Variants in TLN2 observed in about 807,000 individuals in gnomAD.
TLN2 encodes talin-2.
In TLN2, 118 loss-of-function variants were observed where a neutral mutation model predicts 294.7. That is an observed-to-expected ratio of 0.40 (90% CI 0.34 to 0.47). TLN2 has a LOEUF of 0.47. TLN2 is among the 20% of genes least tolerant of loss of function. TLN2 has a pLI of 0.84. For missense variants in TLN2, 3,083 were observed against 3,282.2 expected, an observed-to-expected ratio of 0.94 and a Z score of 1.48; for synonymous variants, 1,431 against 1,304.5, an observed-to-expected ratio of 1.10 and a Z score of -2.09.
intron 52 of TLN2, among the ~76,000 whole-genome samples, chr15:62,815,285 A>G (rs2067028175): frequency 6.6e-6 from 1 of 151,574 alleles, no homozygotes; most frequent in South Asian, 2.1e-4. Context: ...AAGACTCTGT[A>G]TGATCATATG....
At chr15:62,686,551 G>A in intron 11 of TLN2, 90 bp from the exon 12 acceptor site, 4 of 1,440,926 alleles carry the variant, frequency 2.8e-6, no homozygotes, top group Non-Finnish European at 3.7e-6. Flanking sequence ...GACAGTGTAT[G>A]CAGGTGAAAG....
chr15:62,807,736 A>G (rs971571316), intron 51 of TLN2, among the ~76,000 whole-genome samples: 51 of 152,120 alleles, frequency 3.4e-4, no homozygotes, highest in African/African-American at 1.2e-3. Context: ...CGACCCTGGG[A>G]TGCGTTATCT....
intron 54 of TLN2, chr15:62,831,486 A>G (rs769916140): frequency 3.3e-5 from 5 of 151,690 alleles, no homozygotes; most frequent in African/African-American, 1.2e-4. Context: ...TATATATTTA[A>G]TATATATAAA....
At chr15:62,731,409 GT>G (rs36001940) in intron 28 of TLN2, among the ~76,000 whole-genome samples, 149,566 of 151,988 alleles carry the variant, frequency 0.98, 73,642 homozygotes, top group East Asian at 1. Flanking sequence ...CCTGAATTAT[GT>G]TTTTTTTCCC....
chr15:62,629,427 T>A (rs979476506), intron 3 of TLN2, among the ~76,000 whole-genome samples: 3 of 152,238 alleles, frequency 2.0e-5, no homozygotes, highest in African/African-American at 7.2e-5. Flanking sequence ...TTCATGCTTT[T>A]CCTAAGAGAA....
chr15:62,405,404 G>C (rs1365360450), intron 1 of TLN2, among the ~76,000 whole-genome samples: 1 of 152,188 alleles, frequency 6.6e-6, no homozygotes, highest in Non-Finnish European at 1.5e-5. Context: ...ACTCCTTTCT[G>C]AGACACAACA....
chr15:62,796,013 T>C, intron 46 of TLN2, 114 bp from the exon 47 acceptor site: 1 of 1,360,964 alleles, frequency 7.3e-7, no homozygotes, highest in Non-Finnish European at 1.0e-6. Flanking sequence ...ATGTGTGTTG[T>C]TAACCTCTAA....
At chr15:62,696,672 C>T (rs2058362963) in intron 14 of TLN2, among the ~76,000 whole-genome samples, 1 of 152,212 alleles carries the variant, frequency 6.6e-6, no homozygotes, top group African/African-American at 2.4e-5. Context: ...CACGCCACTG[C>T]ACTCCAGTCT....
intron 9 of TLN2, among the ~76,000 whole-genome samples, chr15:62,661,887 C>T (rs1050000721): frequency 2.0e-5 from 3 of 152,102 alleles, no homozygotes; most frequent in African/African-American, 7.2e-5. Flanking sequence ...ATTATAAAGA[C>T]AGAAGGACTA....
chr15:62,521,138 A>G (rs1420651181), intron 1 of TLN2, among the ~76,000 whole-genome samples: 1 of 152,150 alleles, frequency 6.6e-6, no homozygotes, highest in East Asian at 1.9e-4. Context: ...TAAACTGCAA[A>G]TCTGAAGCTT....
intron 37 of TLN2, among the ~76,000 whole-genome samples, chr15:62,759,594 C>T (rs1426421946): frequency 6.6e-6 from 1 of 152,152 alleles, no homozygotes; most frequent in South Asian, 2.1e-4. Context: ...TGCCCTTCTT[C>T]CCAATAGACT....
intron 37 of TLN2, among the ~76,000 whole-genome samples, chr15:62,759,874 G>A (rs2062554569): frequency 6.6e-6 from 1 of 152,170 alleles, no homozygotes; most frequent in African/African-American, 2.4e-5. Flanking sequence ...CTGCTGAGTG[G>A]CACCCACCCT....
At chr15:62,773,283 G>C (rs2063473441) in intron 42 of TLN2, among the ~76,000 whole-genome samples, 1 of 142,310 alleles carries the variant, frequency 7.0e-6, no homozygotes, top group Non-Finnish European at 1.5e-5. Flanking sequence ...CAGCCATAGA[G>C]CACACACAGT....
At chr15:62,656,993 A>C (rs1260471542) in intron 8 of TLN2, among the ~76,000 whole-genome samples, 1 of 152,170 alleles carries the variant, frequency 6.6e-6, no homozygotes, top group Admixed American at 6.5e-5. Context: ...GAAGGATGGC[A>C]TGGAAAGAGG....
intron 54 of TLN2, among the ~76,000 whole-genome samples, chr15:62,824,476 A>G (rs1433613424): frequency 6.6e-6 from 1 of 152,230 alleles, no homozygotes; most frequent in Non-Finnish European, 1.5e-5. Context: ...TCAGTTTTCT[A>G]TGACTTCCCT....
intron 9 of TLN2, among the ~76,000 whole-genome samples, chr15:62,667,149 G>A (rs1298133392): frequency 4.6e-5 from 7 of 152,052 alleles, no homozygotes; most frequent in African/African-American, 7.2e-5. Context: ...GTATTTTTTA[G>A]TAGAGACGGG....
chr15:62,620,823 T>C (rs1040349407), intron 3 of TLN2, among the ~76,000 whole-genome samples: 2 of 136,308 alleles, frequency 1.5e-5, no homozygotes, highest in African/African-American at 5.8e-5. Context: ...CTTCTTTTTT[T>C]TTTCTTTCTT....
intron 3 of TLN2, among the ~76,000 whole-genome samples, chr15:62,644,059 A>G (rs1329941482): frequency 1.3e-5 from 2 of 151,950 alleles, no homozygotes; most frequent in Non-Finnish European, 2.9e-5. Context: ...GCCCCCTCCT[A>G]GCATACTTGC....
Position 62,825,833 on chromosome 15 carries a change from T to G in TLN2, c.7002+5223T>G, listed in dbSNP as rs1440561879. Reference sequence around the variant, plus strand: ...TTATATTATAATATATATTATAATATATAATATATATAAATATATTATATA... The same window carrying G: ...TTATATTATAATATATATTATAATAGATAATATATATAAATATATTATATA... On this transcript the variant is annotated intron_variant, in intron 54 of 58. Coordinates refer to ENST00000636159, the MANE Select transcript of TLN2 (RefSeq NM_015059.3). Among the ~76,000 whole-genome samples the G allele has an allele frequency of 2.1e-3, 16 of 7,634 alleles. 2 individuals are homozygous for G. The highest frequency in any genetic ancestry group is 0.1 in the Middle Eastern group (1 of 10). The allele number at this position is 7,634 out of a possible 152,430, so 5.0% of individuals were successfully genotyped here.
Sources: gnomAD v4.1 joint callset for allele counts (sites outside exome capture counted in the v4.1 genomes callset) on GRCh38, gnomAD v4.1.1 for gene constraint, MANE v1.5 for transcripts, NCBI Gene and HGNC (gene_info 2026-07-23, HGNC 2026-07-21) for gene names.